MYO1H: variants seen among roughly 807,000 people sequenced by gnomAD.
The protein encoded by MYO1H is myosin IH.
Under a neutral mutation model 149.3 loss-of-function variants are expected in MYO1H, and 118 were observed. That is an observed-to-expected ratio of 0.79 (90% CI 0.68 to 0.92). The LOEUF (loss-of-function observed/expected upper bound fraction) is 0.92, where lower values mean the gene tolerates loss of function less well. Among genes scored for constraint, MYO1H ranks in the 40% least tolerant of loss-of-function variants. The probability of loss-of-function intolerance (pLI) is 0.00; values close to 1 mark genes in which losing one functional copy is unlikely to be tolerated. For missense variants in MYO1H, 1,212 were observed against 1,280.7 expected, an observed-to-expected ratio of 0.95 and a Z score of 0.82; for synonymous variants, 447 against 465.2, an observed-to-expected ratio of 0.96 and a Z score of 0.50.
chr12:109,321,238 G>T, the MYO1H span, among the ~76,000 whole-genome samples: 5 of 152,078 alleles, frequency 3.3e-5, no homozygotes, highest in Non-Finnish European at 7.4e-5. Flanking sequence ...CAGGGATTCT[G>T]CTCTAGACCT....
chr12:109,321,468 G>A, the MYO1H span, among the ~76,000 whole-genome samples: 6 of 151,996 alleles, frequency 3.9e-5, no homozygotes, highest in East Asian at 7.8e-4. Flanking sequence ...CAGGAGAATC[G>A]CTTAAACCCA....
chr12:109,415,971 C>T (rs1870888211), intron 15 of MYO1H, among the ~76,000 whole-genome samples: 1 of 150,412 alleles, frequency 6.6e-6, no homozygotes, highest in African/African-American at 2.5e-5. Flanking sequence ...GAGAGAGAGT[C>T]TCGCTGTGTT....
intron 15 of MYO1H, among the ~76,000 whole-genome samples, chr12:109,416,983 G>T (rs1165680899): frequency 6.6e-6 from 1 of 151,230 alleles, no homozygotes; most frequent in African/African-American, 2.4e-5. Context: ...CTCCAGCCTG[G>T]GCAACAAGAG....
exon 27 of MYO1H, chr12:109,442,247 A>G: frequency 6.2e-7 from 1 of 1,613,926 alleles, no homozygotes; most frequent in East Asian, 2.2e-5. Flanking sequence ...AAAGTGCTTC[A>G]GCTAATTAGC....
rs181664035 is a variant in MYO1H at position 109,409,637 on chromosome 12, A to G, written c.1223+13A>G. The G allele has an allele frequency of 2.1e-4, 336 of 1,593,538 alleles. No individual in the cohort carries two copies. Among genetic ancestry groups the G allele is most frequent in the Non-Finnish European group, 2.7e-4 (311 of 1,161,340 alleles). On this transcript the variant is annotated intron_variant, in intron 11 of 31. Coordinates refer to ENST00000310903, the Ensembl canonical transcript of MYO1H. ...TTGACAAGAATGGGTATGTTTTGTCATTACCTACCTATCTGTCTTTTGCCC... is the reference window on the plus strand; with the variant it reads ...TTGACAAGAATGGGTATGTTTTGTCGTTACCTACCTATCTGTCTTTTGCCC...
At chr12:109,420,923 G>A (rs1244967910) in intron 15 of MYO1H, 58 bp from the exon 16 acceptor site, 3 of 889,092 alleles carry the variant, frequency 3.4e-6, no homozygotes, top group Non-Finnish European at 5.6e-6. Flanking sequence ...AGTTGGGATG[G>A]AATTGTATTT....
In MYO1H at chr12:109,436,518, G is replaced by T. The variant is rs80128266; in HGVS notation, c.2171G>T (p.Cys724Phe). The T allele has an allele frequency of 6.2e-7, 1 of 1,611,312 alleles. No homozygotes were observed. The highest frequency in any genetic ancestry group is 1.3e-5 in the African/African-American group (1 of 74,968). ...AGAATCCAAGCCACTTACAAACGCT[G>T]CCTAGGAAGGAGAGAATACGTGAAA... Residue 724 changes from cysteine (C) to phenylalanine (F), a missense_variant, in exon 22 of 32, where the codon TGC (cysteine) becomes TTC (phenylalanine). Cys to Phe is a radical substitution (Grantham distance 205). Transcript: ENST00000310903.
At chr12:109,415,475 C>CA in intron 14 of MYO1H, 51 bp from the exon 15 acceptor site, 1 of 1,525,992 alleles carries the variant, frequency 6.6e-7, no homozygotes, top group Non-Finnish European at 8.9e-7. Context: ...GACGCCATCT[C>CA]AAAAAAGAAA....
chr12:109,376,471 A>G (rs1869090016), intron 1 of MYO1H, among the ~76,000 whole-genome samples: 2 of 152,172 alleles, frequency 1.3e-5, no homozygotes, highest in Non-Finnish European at 2.9e-5. Context: ...ACTGAAAATT[A>G]CTTTTCTGTG....
chr12:109,345,543 A>C (rs1400177234), upstream of MYO1H, among the ~76,000 whole-genome samples: 1 of 152,214 alleles, frequency 6.6e-6, no homozygotes, highest in East Asian at 1.9e-4. Flanking sequence ...TTTAGAAAAC[A>C]GTTTGGCAGG....
In MYO1H at chr12:109,424,649, A is replaced by G. The variant is rs1001488157; in HGVS notation, c.1645-99A>G. On this transcript the variant is annotated intron_variant, in intron 16 of 31. Coordinates refer to ENST00000310903, the Ensembl canonical transcript of MYO1H. ...ACATCTTCAAGCATTCAAGAAGCAGATGGCTCTGTTGCTTCATGCACACTC... is the reference window on the plus strand; with the variant it reads ...ACATCTTCAAGCATTCAAGAAGCAGGTGGCTCTGTTGCTTCATGCACACTC... 4 of 797,938 alleles carry G rather than the reference A, an allele frequency of 5.0e-6. No homozygotes were observed. The African/African-American group carries it at 7.0e-5, about 14-fold the overall frequency. 49.4% of individuals were successfully genotyped at this position (797,938 alleles called of 1,614,324 possible). A position where few individuals can be genotyped will look rare whatever the true frequency, so the allele number is the denominator to read the frequency against.
At chr12:109,399,049 G>A (rs1015360126) in intron 5 of MYO1H, among the ~76,000 whole-genome samples, 2 of 152,134 alleles carry the variant, frequency 1.3e-5, no homozygotes, top group African/African-American at 4.8e-5. Flanking sequence ...TGACACATGG[G>A]GGAGCAGCAG....
chr12:109,361,911 G>A (rs1363955354), intron 1 of MYO1H, among the ~76,000 whole-genome samples: 3 of 151,508 alleles, frequency 2.0e-5, no homozygotes, highest in Non-Finnish European at 4.4e-5. Flanking sequence ...ATGAAGGGAG[G>A]CCCTGTTGTT....
rs1191116397 is a variant in MYO1H, at chr12:109,394,154, GT to G, written c.290+713del. 6.6e-5 allele frequency among the ~76,000 whole-genome samples: 10 copies of G among 152,258 alleles called. No individual in the cohort carries two copies. The South Asian group carries it at 1.5e-3, about 22-fold the overall frequency. Reference sequence around the variant, plus strand: ...CTCGCCTGCAGTATGGCCAGAATTTGTTTTTATGTAATACTATAAGCTGACA... The same window carrying G: ...CTCGCCTGCAGTATGGCCAGAATTTGTTTTATGTAATACTATAAGCTGACA... On this transcript the variant is annotated intron_variant, in intron 3 of 31. Transcript: ENST00000310903.
chr12:109,404,128 A>G (rs1248045367), intron 7 of MYO1H, 48 bp downstream of exon 7: 12 of 1,386,360 alleles, frequency 8.7e-6, no homozygotes, highest in Non-Finnish European at 1.2e-5. Context: ...GGACTGAGGA[A>G]ACATTCCTAA....
chr12:109,352,526 C>G (rs1332831049), intron 1 of MYO1H, among the ~76,000 whole-genome samples: 18 of 152,134 alleles, frequency 1.2e-4, no homozygotes, highest in Admixed American at 1.2e-3. Context: ...TACACTTTTG[C>G]TACATCTTGC....
chr12:109,442,193 A>C (rs1395038795), intron 26 of MYO1H, 24 bp from the exon 27 acceptor site: 1 of 1,609,706 alleles, frequency 6.2e-7, no homozygotes, highest in Non-Finnish European at 8.5e-7. Context: ...GTGATGATTC[A>C]TGGCCTTCTG....
At chr12:109,405,953 A>T in exon 8 of MYO1H, 1 of 1,613,470 alleles carries the variant, frequency 6.2e-7, no homozygotes, top group Non-Finnish European at 8.5e-7. Context: ...AGTGTCTTAC[A>T]CCTGGGGAAC....
At chr12:109,350,353 G>A (rs1429858131) in intron 1 of MYO1H, among the ~76,000 whole-genome samples, 2 of 152,134 alleles carry the variant, frequency 1.3e-5, no homozygotes, top group South Asian at 4.1e-4. Flanking sequence ...GAGGGACCCG[G>A]TGGGAGATTA....
Sources: allele counts gnomAD v4.1 joint callset (sites outside exome capture counted in the v4.1 genomes callset), GRCh38; gene constraint gnomAD v4.1.1; transcripts MANE v1.5; gene names NCBI Gene and HGNC (gene_info 2026-07-23, HGNC 2026-07-21).